Variants in MARCHF1 observed in about 807,000 individuals in gnomAD.
MARCHF1 encodes the protein membrane associated ring-CH-type finger 1.
Under a neutral mutation model 54.2 loss-of-function variants are expected in MARCHF1, and 40 were observed. The ratio of observed to expected loss-of-function variants is 0.74; its 90% CI spans 0.57 to 0.96. The LOEUF (loss-of-function observed/expected upper bound fraction) is 0.96, where lower values mean the gene tolerates loss of function less well. Among genes scored for constraint, MARCHF1 ranks in the 40% least tolerant of loss-of-function variants. MARCHF1 has a pLI of 0.00. For synonymous variants in MARCHF1, 236 were observed against 236.3 expected (o/e 1.00, Z 0.01); for missense variants, 586 against 656.5 (o/e 0.89, Z 1.17).
chr4:163,941,636 C>T (rs1024822042), intron 3 of MARCHF1, among the ~76,000 whole-genome samples: 4 of 152,090 alleles, frequency 2.6e-5, no homozygotes, highest in Admixed American at 1.3e-4. Flanking sequence ...AATAGATGGA[C>T]TTCCCTTTAC....
chr4:163,529,096 T>G (rs1273003353), intron 9 of MARCHF1, 50 bp from the exon 10 acceptor site: 7 of 1,458,554 alleles, frequency 4.8e-6, no homozygotes, highest in Non-Finnish European at 5.5e-6. Flanking sequence ...CCTCAGTGGA[T>G]TTGGTCATTT....
chr4:164,188,908 T>A, intron 1 of MARCHF1: 1 of 772,042 alleles, frequency 1.3e-6, no homozygotes, highest in Non-Finnish European at 2.4e-6. Flanking sequence ...CCTATTTCAA[T>A]GATGCCCAAT....
At chr4:164,181,719 A>T (rs1014113335) in intron 1 of MARCHF1, among the ~76,000 whole-genome samples, 4 of 152,212 alleles carry the variant, frequency 2.6e-5, no homozygotes, top group Admixed American at 2.6e-4. Flanking sequence ...ACTTGACAAT[A>T]TAGTCCTAGC....
intron 2 of MARCHF1, among the ~76,000 whole-genome samples, chr4:164,028,211 C>T (rs1440989095): frequency 6.6e-6 from 1 of 152,056 alleles, no homozygotes; most frequent in African/African-American, 2.4e-5. Context: ...CCTAGAATTC[C>T]CATTATTGGG....
intron 2 of MARCHF1, among the ~76,000 whole-genome samples, chr4:164,078,264 A>T (rs1242123097): frequency 6.6e-6 from 1 of 152,164 alleles, no homozygotes; most frequent in Admixed American, 6.5e-5. Context: ...CATTCTCAGC[A>T]AACTAACACA....
chr4:163,684,024 G>C (rs937416228), intron 5 of MARCHF1, among the ~76,000 whole-genome samples: 1 of 152,148 alleles, frequency 6.6e-6, no homozygotes, highest in African/African-American at 2.4e-5. Context: ...CTCCAGCATG[G>C]GGGCTTCAGG....
chr4:163,528,888 T>C lies in MARCHF1; in HGVS notation c.1498A>G (p.Thr500Ala), dbSNP rs755038745. Residue 500 changes from threonine to alanine, a missense_variant, in exon 10 of 10, where the codon ACT (threonine) becomes GCT (alanine). Thr to Ala is a moderately conservative substitution (Grantham distance 58, BLOSUM62 0). Coordinates refer to ENST00000514618, the MANE Select transcript of MARCHF1 (RefSeq NM_001394959.1). ...RVIFVQNCPD[T>A]AKKLEKNFSC... Reference sequence around the variant, plus strand: ...AAGTTCTTCTCCAGTTTTTTGGCAGTGTCTGGGCAATTTTGTACAAAGATC... The same window carrying C: ...AAGTTCTTCTCCAGTTTTTTGGCAGCGTCTGGGCAATTTTGTACAAAGATC... 1.2e-6 allele frequency: 2 copies of C among 1,613,412 alleles called. No homozygotes were observed. The highest frequency in any genetic ancestry group is 2.2e-5 in the East Asian group (1 of 44,858).
chr4:163,993,439 C>T lies in MARCHF1; in HGVS notation c.-247-4730G>A, dbSNP rs139381909. Reference sequence around the variant, plus strand: ...AATGATCAGCCTTCAATACCAAATACAGTATAATGGATCAGATGAATTCTT... The same window carrying T: ...AATGATCAGCCTTCAATACCAAATATAGTATAATGGATCAGATGAATTCTT... On this transcript the variant is annotated intron_variant, in intron 2 of 9. Transcript: ENST00000514618. Among the ~76,000 whole-genome samples the T allele has an allele frequency of 4.5e-4, 69 of 152,224 alleles. 1 individual carries two copies. The East Asian group carries it at 9.5e-3, about 21-fold the overall frequency.
intron 5 of MARCHF1, among the ~76,000 whole-genome samples, chr4:163,686,064 G>A (rs898738930): frequency 7.9e-5 from 12 of 152,104 alleles, no homozygotes; most frequent in Admixed American, 7.9e-4. Flanking sequence ...AATAACATGT[G>A]TATAGTACCT....
At chr4:163,830,491 A>G (rs1169503727) in intron 4 of MARCHF1, among the ~76,000 whole-genome samples, 1 of 152,162 alleles carries the variant, frequency 6.6e-6, no homozygotes, top group Non-Finnish European at 1.5e-5. Flanking sequence ...GGTGGACAGG[A>G]TGCTGAGGAC....
chr4:163,684,365 T>A (rs146717547), intron 5 of MARCHF1, among the ~76,000 whole-genome samples: 16 of 152,060 alleles, frequency 1.1e-4, no homozygotes, highest in African/African-American at 3.6e-4. Context: ...GTTTGGACAG[T>A]CTCAAGAAAA....
intron 5 of MARCHF1, among the ~76,000 whole-genome samples, chr4:163,635,621 G>A (rs1579138989): frequency 6.7e-6 from 1 of 149,148 alleles, no homozygotes. Flanking sequence ...CAACCAAAAA[G>A]AGTCCAGGAC....
chr4:164,144,240 C>T (rs1300740548), intron 1 of MARCHF1, among the ~76,000 whole-genome samples: 1 of 151,398 alleles, frequency 6.6e-6, no homozygotes, highest in Non-Finnish European at 1.5e-5. Flanking sequence ...TAACACCCCA[C>T]TGTCAACATT....
chr4:163,566,645 G>T (rs1485560886), intron 8 of MARCHF1, among the ~76,000 whole-genome samples: 1 of 152,142 alleles, frequency 6.6e-6, no homozygotes, highest in Non-Finnish European at 1.5e-5. Context: ...TTTTATGTCT[G>T]GTGGAAGCAC....
intron 1 of MARCHF1, among the ~76,000 whole-genome samples, chr4:164,236,486 G>T (rs776517318): frequency 2.6e-5 from 4 of 151,974 alleles, no homozygotes; most frequent in Non-Finnish European, 5.9e-5. Flanking sequence ...TTTAAACAGT[G>T]AAATCACCAA....
chr4:163,674,242 C>T (rs1174470120), intron 5 of MARCHF1, among the ~76,000 whole-genome samples: 1 of 152,122 alleles, frequency 6.6e-6, no homozygotes, highest in African/African-American at 2.4e-5. Flanking sequence ...GTATGTTATT[C>T]AGGTGATGGA....
chr4:163,626,574 A>C (rs1030077095), intron 5 of MARCHF1, among the ~76,000 whole-genome samples: 3 of 152,228 alleles, frequency 2.0e-5, no homozygotes, highest in Admixed American at 6.5e-5. Flanking sequence ...AGCCCCATTA[A>C]TATCTGTGAT....
At chr4:164,262,128 A>C (rs1733484123) in intron 1 of MARCHF1, among the ~76,000 whole-genome samples, 1 of 147,212 alleles carries the variant, frequency 6.8e-6, no homozygotes, top group Non-Finnish European at 1.5e-5. Context: ...AAAAAAAAGA[A>C]TAGAGAGAAT....
At chr4:164,303,934 A>G (rs1734630433) in intron 1 of MARCHF1, among the ~76,000 whole-genome samples, 1 of 152,220 alleles carries the variant, frequency 6.6e-6, no homozygotes, top group African/African-American at 2.4e-5. Context: ...CCGAGTGATG[A>G]ATCCAAATAA....
Sources: gnomAD v4.1 joint callset for allele counts (sites outside exome capture counted in the v4.1 genomes callset) on GRCh38, gnomAD v4.1.1 for gene constraint, MANE v1.5 for transcripts, NCBI Gene and HGNC (gene_info 2026-07-23, HGNC 2026-07-21) for gene names.